The following MIPOL1 variants were observed in gnomAD, a reference collection of about 807,000 sequenced individuals.
MIPOL1 encodes mirror-image polydactyly 1.
In MIPOL1, 57 loss-of-function variants were observed where a neutral mutation model predicts 60.9. That is an observed-to-expected ratio of 0.94 (90% CI 0.76 to 1.17). The LOEUF (loss-of-function observed/expected upper bound fraction) is 1.17. Ranked by LOEUF, MIPOL1 falls within the 50% of genes most tolerant of loss-of-function variation. MIPOL1 has a pLI of 0.00. For synonymous variants in MIPOL1, 179 were observed against 168.8 expected (o/e 1.06, Z -0.47); for missense variants, 551 against 511.6 (o/e 1.08, Z -0.74).
intron 10 of MIPOL1, chr14:37,385,560 T>C (rs1187762148): frequency 1.3e-5 from 2 of 152,114 alleles, no homozygotes; most frequent in Non-Finnish European, 2.9e-5. Context: ...GGTTTTTTTA[T>C]AGTACAGAAA....
chr14:37,319,585 A>G (rs937030698), intron 9 of MIPOL1, among the ~76,000 whole-genome samples: 26 of 152,192 alleles, frequency 1.7e-4, no homozygotes, highest in African/African-American at 6.3e-4. Context: ...TAATTGAGGC[A>G]AGAGGTGATG....
intron 7 of MIPOL1, among the ~76,000 whole-genome samples, chr14:37,305,901 A>C (rs1365522419): frequency 6.6e-6 from 1 of 151,858 alleles, no homozygotes; most frequent in Non-Finnish European, 1.5e-5. Flanking sequence ...TGTCAGACCT[A>C]GCACAGCAGC....
intron 10 of MIPOL1, among the ~76,000 whole-genome samples, chr14:37,421,902 A>C (rs2093878919): frequency 6.6e-6 from 1 of 151,946 alleles, no homozygotes; most frequent in Admixed American, 6.6e-5. Context: ...CTGTGGCTCC[A>C]AACTTTCTAT....
chr14:37,462,510 T>C (rs1482101238), intron 11 of MIPOL1, among the ~76,000 whole-genome samples: 1 of 152,230 alleles, frequency 6.6e-6, no homozygotes, highest in Non-Finnish European at 1.5e-5. Context: ...GGCTTCAATT[T>C]CTTCTCAGAA....
At chr14:37,239,194 C>T (rs1971978175) in intron 1 of MIPOL1, among the ~76,000 whole-genome samples, 1 of 151,674 alleles carries the variant, frequency 6.6e-6, no homozygotes, top group Non-Finnish European at 1.5e-5. Flanking sequence ...TACAGGTGCC[C>T]ACCACCATGC....
rs61079220 is a variant in MIPOL1 at position 37,257,095 on chromosome 14, TTGTGTGTGTG to T, written c.19+9216_19+9225del. On this transcript the variant is annotated intron_variant, in intron 3 of 12. Transcript: ENST00000684589. ...GTTTTTTGGGTTTTTTGGTTTTGTT[TTGTGTGTGTG>T]TGTGTGTGTGTGTGTGTGTGTGTGT... Among the ~76,000 whole-genome samples, 121 of 137,790 alleles carry T rather than the reference TTGTGTGTGTG, an allele frequency of 8.8e-4. 1 individual carries two copies. The Middle Eastern group carries it at 0.011, about 13-fold the overall frequency. The allele number at this position is 137,790 out of a possible 152,430, so 90.4% of individuals were successfully genotyped here. A position where few individuals can be genotyped will look rare whatever the true frequency, so the allele number is the denominator to read the frequency against.
intron 11 of MIPOL1, among the ~76,000 whole-genome samples, chr14:37,455,353 G>A (rs2153577892): frequency 6.6e-6 from 1 of 152,064 alleles, no homozygotes; most frequent in Non-Finnish European, 1.5e-5. Flanking sequence ...ACCTGATTTT[G>A]TTCTCTTCAA....
chr14:37,362,996 G>A (rs906898391), intron 9 of MIPOL1, among the ~76,000 whole-genome samples: 1 of 152,068 alleles, frequency 6.6e-6, no homozygotes, highest in Non-Finnish European at 1.5e-5. Flanking sequence ...GTTTATTCTA[G>A]TTAGTTGTTC....
intron 11 of MIPOL1, among the ~76,000 whole-genome samples, chr14:37,458,078 A>T (rs775383174): frequency 6.6e-6 from 1 of 152,212 alleles, no homozygotes; most frequent in African/African-American, 2.4e-5. Flanking sequence ...ACAGTAAAAA[A>T]AAAAGATAAA....
chr14:37,467,537 A>T (rs111365579), intron 11 of MIPOL1, among the ~76,000 whole-genome samples: 335 of 152,342 alleles, frequency 2.2e-3, no homozygotes, highest in African/African-American at 7.3e-3. Context: ...ATTTTAATAT[A>T]GGAAATGTAA....
chr14:37,388,882 G>C (rs2093154206), intron 10 of MIPOL1, among the ~76,000 whole-genome samples: 1 of 151,932 alleles, frequency 6.6e-6, no homozygotes, highest in East Asian at 1.9e-4. Flanking sequence ...CTGTATCTAG[G>C]TTTTGTTTGC....
At chr14:37,481,560 AACACACACACACACACACACACACAC>A (rs3062719) in intron 11 of MIPOL1, among the ~76,000 whole-genome samples, 9 of 113,148 alleles carry the variant, frequency 8.0e-5, no homozygotes, top group Non-Finnish European at 1.2e-4. Context: ...GACCCCCCCC[AACACACACACACACACACACACACAC>A]ACACACACAC....
rs1034365254 is a variant in MIPOL1 at position 37,547,998 on chromosome 14, T to G, written c.*1027T>G. On this transcript the variant is annotated 3_prime_UTR_variant, in exon 13 of 13. Transcript: ENST00000684589. ...ACAGCATAGCAGTCATATGAAGTTA[T>G]GAATAGAACTGAGATTTTTATGTAA... 2 of 152,076 alleles carry G rather than the reference T, an allele frequency of 1.3e-5. No individual in the cohort carries two copies. The highest frequency in any genetic ancestry group is 4.8e-5 in the African/African-American group (2 of 41,450). The allele number at this position is 152,076 out of a possible 1,614,324, so 9.4% of individuals were successfully genotyped here. A position where few individuals can be genotyped will look rare whatever the true frequency, so the allele number is the denominator to read the frequency against.
At chr14:37,430,859 C>T (rs2094051517) in intron 11 of MIPOL1, among the ~76,000 whole-genome samples, 4 of 152,184 alleles carry the variant, frequency 2.6e-5, no homozygotes, top group Admixed American at 2.6e-4. Context: ...CTATAGCTTT[C>T]TATCCAGAAG....
intron 11 of MIPOL1, among the ~76,000 whole-genome samples, chr14:37,497,699 A>G (rs574648077): frequency 1.1e-4 from 16 of 152,180 alleles, no homozygotes; most frequent in Non-Finnish European, 1.8e-4. Context: ...ATACACATAC[A>G]TAAGACAATA....
intron 12 of MIPOL1, among the ~76,000 whole-genome samples, chr14:37,514,809 C>T (rs1375340005): frequency 2.6e-5 from 4 of 151,888 alleles, no homozygotes; most frequent in South Asian, 2.1e-4. Context: ...TTAGTAGAGA[C>T]GGGGTTTCTC....
At chr14:37,245,805 T>G (rs898693300) in intron 1 of MIPOL1, among the ~76,000 whole-genome samples, 1 of 152,156 alleles carries the variant, frequency 6.6e-6, no homozygotes. Context: ...ATACATATTT[T>G]TAACACAGGC....
intron 10 of MIPOL1, among the ~76,000 whole-genome samples, chr14:37,381,529 CAAA>C (rs1566484448): frequency 2.0e-5 from 3 of 150,402 alleles, no homozygotes; most frequent in African/African-American, 7.3e-5. Context: ...TTTGAATAAT[CAAA>C]AAAATGTTTC....
chr14:37,499,981 G>A lies in MIPOL1; in HGVS notation c.1105G>A (p.Ala369Thr), dbSNP rs747031163. 14 of 1,613,122 alleles carry A rather than the reference G, an allele frequency of 8.7e-6. No individual in the cohort carries two copies. The East Asian group carries it at 1.1e-4, about 13-fold the overall frequency. ...FNYTLSTYEE[A>T]LKNRENIVSI... is the part of the protein sequence containing the mutation. ...CTATACCCTTAGTACATATGAAGAA[G>A]CTTTAAAAAACAGAGAGAACATTGT... The change falls in exon 12 of 13, where the codon GCT becomes ACT. Residue 369 changes from alanine to threonine, a missense_variant. Physicochemically the swap from Ala to Thr is moderately conservative, Grantham distance 58. Transcript: ENST00000684589.
Sources: gnomAD v4.1 joint callset for allele counts (sites outside exome capture counted in the v4.1 genomes callset) on GRCh38, gnomAD v4.1.1 for gene constraint, MANE v1.5 for transcripts, NCBI Gene and HGNC (gene_info 2026-07-23, HGNC 2026-07-21) for gene names.